CCND3: variants seen among roughly 807,000 people sequenced by gnomAD.
The protein encoded by CCND3 is G1/S-specific cyclin-D3.
Under a neutral mutation model 28.7 loss-of-function variants are expected in CCND3, and 9 were observed. The ratio of observed to expected loss-of-function variants is 0.31; its 90% CI spans 0.19 to 0.55. The LOEUF (loss-of-function observed/expected upper bound fraction) is 0.55, where lower values mean the gene tolerates loss of function less well. CCND3 is among the 20% of genes least tolerant of loss of function. The probability of loss-of-function intolerance (pLI) is 0.93; values close to 1 mark genes in which losing one functional copy is unlikely to be tolerated. For missense variants in CCND3, 315 were observed against 385.8 expected (o/e 0.82, Z 1.54); for synonymous variants, 164 against 163.9 (o/e 1.00, Z 0.00).
chr6:41,968,247 C>T (rs931143149), intron 1 of CCND3, among the ~76,000 whole-genome samples: 2 of 152,208 alleles, frequency 1.3e-5, no homozygotes, highest in African/African-American at 4.8e-5. Flanking sequence ...ACTTTGATGT[C>T]CCAAATTTGA....
At chr6:42,028,056 G>A (rs1763935120) in intron 1 of CCND3, among the ~76,000 whole-genome samples, 1 of 152,208 alleles carries the variant, frequency 6.6e-6, no homozygotes, top group South Asian at 2.1e-4. Flanking sequence ...CGCCCGTTAT[G>A]AAATGGGGGT....
chr6:41,940,878 G>A (rs947872762), intron 1 of CCND3: 7 of 1,384,126 alleles, frequency 5.1e-6, no homozygotes, highest in Non-Finnish European at 7.2e-6. Flanking sequence ...GCGAGGGGAA[G>A]TGGGACGCAA....
chr6:42,005,578 G>C (rs1466767978), intron 1 of CCND3, among the ~76,000 whole-genome samples: 1 of 146,506 alleles, frequency 6.8e-6, no homozygotes, highest in Non-Finnish European at 1.5e-5. Context: ...AATTAATGTA[G>C]GCCAATTGCA....
rs1431598533 is a variant in CCND3, at chr6:41,941,621, C to A, written c.29G>T (p.Arg10Leu). Residue 10 changes from arginine to leucine, a missense_variant, in exon 1 of 5, where the codon CGG (arginine) becomes CTG (leucine). Transcript: ENST00000372991. The surrounding 1 kb of genome is among the most constrained non-coding windows in gnomAD (Gnocchi z 6.1). ...GTCCGGCCCGGCCCGGGGCGCGTGC[C>A]GGGTGCCTTCGCAACACAGCAGCTC... MELLCCEGT[R>L]HAPRAGPDPR... is the part of the protein sequence containing the mutation. 1 of 1,514,328 alleles carries A rather than the reference C, an allele frequency of 6.6e-7. No individual in the cohort carries two copies. The highest frequency in any genetic ancestry group is 8.9e-7 in the Non-Finnish European group (1 of 1,129,338). The allele number at this position is 1,514,328 out of a possible 1,614,324, so 93.8% of individuals were successfully genotyped here. A position where few individuals can be genotyped will look rare whatever the true frequency, so the allele number is the denominator to read the frequency against.
At chr6:41,992,776 G>A (rs898385723) in intron 1 of CCND3, among the ~76,000 whole-genome samples, 3 of 151,754 alleles carry the variant, frequency 2.0e-5, no homozygotes, top group African/African-American at 2.4e-5. Context: ...ACAGGGTCTC[G>A]CTCTGTCACC....
chr6:41,988,959 A>T (rs1025173369), intron 1 of CCND3, among the ~76,000 whole-genome samples: 9 of 151,624 alleles, frequency 5.9e-5, no homozygotes. Context: ...TCGGCCTCCC[A>T]AAGTGCTGGG....
chr6:42,022,905 C>A (rs1302408245), intron 1 of CCND3, among the ~76,000 whole-genome samples: 1 of 152,200 alleles, frequency 6.6e-6, no homozygotes, highest in African/African-American at 2.4e-5. Flanking sequence ...GTGCTGGAGG[C>A]CCCATGCTGG....
chr6:41,966,894 G>T (rs1761902770), intron 1 of CCND3, among the ~76,000 whole-genome samples: 1 of 152,158 alleles, frequency 6.6e-6, no homozygotes, highest in South Asian at 2.1e-4. Context: ...TCTGGGGTGA[G>T]ACTAGAACAA....
chr6:41,952,936 G>A (rs1776348944), intron 1 of CCND3, among the ~76,000 whole-genome samples: 1 of 152,160 alleles, frequency 6.6e-6, no homozygotes, highest in African/African-American at 2.4e-5. Context: ...GCAGTTGTCA[G>A]GGTGGCCAAT....
chr6:42,045,496 T>C (rs537951211), intron 1 of CCND3, among the ~76,000 whole-genome samples: 29 of 152,302 alleles, frequency 1.9e-4, no homozygotes, highest in African/African-American at 6.7e-4. Context: ...AGCTCCTAAG[T>C]GGCAATTACA....
intron 1 of CCND3, among the ~76,000 whole-genome samples, chr6:41,958,768 C>A (rs1469831117): frequency 6.6e-6 from 1 of 152,112 alleles, no homozygotes; most frequent in African/African-American, 2.4e-5. Context: ...GTCTTATTGG[C>A]ATATTTCTTA....
rs1267951040 is a variant in CCND3, at chr6:41,936,196, G to A, written c.712-89C>T. On this transcript the variant is annotated intron_variant, in intron 4 of 4. Transcript: ENST00000372991. This position sits in a 1 kb window ranked among gnomAD's most constrained non-coding sequence, Gnocchi z 4.4. ...GGGGAAGGACAGCTCCCAACACATG[G>A]GGAAGTCTGGGGAGGTTAGGCCACA... 2.9e-6 allele frequency: 4 copies of A among 1,390,920 alleles called. No individual in the cohort carries two copies. The South Asian group carries it at 5.6e-5, about 19-fold the overall frequency. The allele number at this position is 1,390,920 out of a possible 1,614,324, so 86.2% of individuals were successfully genotyped here. A position where few individuals can be genotyped will look rare whatever the true frequency, so the allele number is the denominator to read the frequency against.
intron 1 of CCND3, among the ~76,000 whole-genome samples, chr6:41,971,250 T>C (rs1762025431): frequency 6.6e-6 from 1 of 152,076 alleles, no homozygotes; most frequent in African/African-American, 2.4e-5. Context: ...TTTCATTTCA[T>C]TCTCACAGTG....
At position 41,988,703 on chromosome 6, in the gene CCND3, T is replaced by TC. The variant is rs70987556; in HGVS notation, c.-45-48119_-45-48118insG. On this transcript the variant is annotated intron_variant, in intron 1 of 4. Coordinates refer to the CCND3 transcript ENST00000372988. ...TTGATAAGCTGAACTTCTTTTCTTT[T>TC]TTTTTTTTTTTTTGAGACGGAGTCT... Among the ~76,000 whole-genome samples, 36 of 137,236 alleles carry TC rather than the reference T, an allele frequency of 2.6e-4. 2 individuals are homozygous for TC. Among genetic ancestry groups the TC allele is most frequent in the Middle Eastern group, 7.5e-3 (2 of 268 alleles). 90.0% of individuals were successfully genotyped at this position (137,236 alleles called of 152,430 possible).
chr6:41,981,691 T>G (rs1048030576), intron 1 of CCND3, among the ~76,000 whole-genome samples: 4 of 151,884 alleles, frequency 2.6e-5, no homozygotes, highest in South Asian at 2.1e-4. Flanking sequence ...ACCTAGCCAA[T>G]TTTTGTATTT....
chr6:41,991,116 T>C lies in CCND3; in HGVS notation c.-45-50531A>G, dbSNP rs138719256. Among the ~76,000 whole-genome samples the C allele has an allele frequency of 6.3e-3, 962 of 151,882 alleles. 24 individuals carry two copies. The highest frequency in any genetic ancestry group is 0.059 in the East Asian group (303 of 5,154). The stretch of plus-strand genomic sequence containing the variant: ...TCTTGTTGCCCAGACTGGAGTGCAA[T>C]GGCGTGATCTCAGCTCACTGCAACC... On this transcript the variant is annotated intron_variant, in intron 1 of 4. Coordinates refer to the CCND3 transcript ENST00000372988.
At chr6:41,966,571 C>A (rs1310554813) in intron 1 of CCND3, among the ~76,000 whole-genome samples, 2 of 152,156 alleles carry the variant, frequency 1.3e-5, no homozygotes, top group Non-Finnish European at 2.9e-5. Flanking sequence ...CCCTCCCCAC[C>A]GAACCAGGAA....
chr6:41,936,416 G>C lies in CCND3; in HGVS notation c.711+143C>G. On this transcript the variant is annotated intron_variant, in intron 4 of 4. Coordinates refer to ENST00000372991, the MANE Select transcript of CCND3 (RefSeq NM_001760.5). This position sits in a 1 kb window ranked among gnomAD's most constrained non-coding sequence, Gnocchi z 4.4. ...CTTGCTCTTCCCCAGACCAAGGCAG[G>C]AGATAAAAAGCCACAAAGCCCCAAG... The C allele has an allele frequency of 1.0e-6, 1 of 973,842 alleles. No individual in the cohort carries two copies. The allele number at this position is 973,842 out of a possible 1,614,324, so 60.3% of individuals were successfully genotyped here.
At chr6:41,954,250 TAAA>T (rs34556754) in intron 1 of CCND3, among the ~76,000 whole-genome samples, 1,062 of 35,106 alleles carry the variant, frequency 0.03, 42 homozygotes, top group African/African-American at 0.099. Flanking sequence ...GATTCTGCCT[TAAA>T]AAAAAAAAAA....
Sources: allele counts gnomAD v4.1 joint callset (sites outside exome capture counted in the v4.1 genomes callset), GRCh38; gene constraint gnomAD v4.1.1; non-coding constraint Gnocchi (gnomAD v3.1); transcripts MANE v1.5; gene names NCBI Gene and HGNC (gene_info 2026-07-23, HGNC 2026-07-21).